USP17L2: variants seen among roughly 807,000 people sequenced by gnomAD.
The protein encoded by USP17L2 is ubiquitin specific peptidase 17 like family member 2, also known as ubiquitin carboxyl-terminal hydrolase 17.
USP17L2 carries 29 observed loss-of-function variants against 39.8 expected under a neutral mutation model. That is an observed-to-expected ratio of 0.73 (90% CI 0.54 to 0.99). The LOEUF (loss-of-function observed/expected upper bound fraction) is 0.99, where lower values mean the gene tolerates loss of function less well. USP17L2 is among the 50% of genes least tolerant of loss of function. The probability of loss-of-function intolerance (pLI) is 0.00; values close to 1 mark genes in which losing one functional copy is unlikely to be tolerated. For synonymous variants in USP17L2, 231 were observed against 252.7 expected (o/e 0.91, Z 0.81); for missense variants, 567 against 647.2 (o/e 0.88, Z 1.35).
At position 12,136,831 on chromosome 8, in the gene USP17L2, C is replaced by T. The variant is rs1206294144; in HGVS notation, c.*337G>A. Among the ~76,000 whole-genome samples, 1 of 140,584 alleles carries T rather than the reference C, an allele frequency of 7.1e-6. No homozygotes were observed. The allele number at this position is 140,584 out of a possible 152,430, so 92.2% of individuals were successfully genotyped here. A position where few individuals can be genotyped will look rare whatever the true frequency, so the allele number is the denominator to read the frequency against. On this transcript the variant is annotated 3_prime_UTR_variant, in exon 1 of 1. Coordinates refer to ENST00000333796, the MANE Select transcript of USP17L2 (RefSeq NM_201402.3). ...AACCGAGTCCCCTGCAATAACCTCACACTCAAACCTACACGTCAGTAGGTC... is the reference window on the plus strand; with the variant it reads ...AACCGAGTCCCCTGCAATAACCTCATACTCAAACCTACACGTCAGTAGGTC...
rs771482220 is a variant in USP17L2 at position 12,138,497 on chromosome 8, G to A, written c.264C>T (p.Thr88=). The part of the protein sequence containing the change: ...VGAGLQNMGN[T]CYENASLQCL... ...ACTGCAGGGAAGCGTTCTCGTAGCAGGTATTTCCCATATTCTGGAGCCCAG... is the reference window on the plus strand; with the variant it reads ...ACTGCAGGGAAGCGTTCTCGTAGCAAGTATTTCCCATATTCTGGAGCCCAG... The change falls in exon 1 of 1, where the codon ACC becomes ACT. Residue 88 remains threonine (T), a synonymous_variant. Transcript: ENST00000333796. The A allele has an allele frequency of 3.9e-6, 6 of 1,540,230 alleles. 1 individual carries two copies. In the Admixed American group the frequency reaches 7.1e-5, roughly 18 times the overall value.
rs1451469271 is a variant in USP17L2, at chr8:12,138,788, T to A, written c.-28A>T. ...CGCCCGCAACAAGGATCACAAGGTT[T>A]TTCTGCTGGGACTGCAGGTTGCAGC... On this transcript the variant is annotated 5_prime_UTR_variant, in exon 1 of 1. Transcript: ENST00000333796. 8 of 988,132 alleles carry A rather than the reference T, an allele frequency of 8.1e-6. 1 individual carries two copies. Among genetic ancestry groups the A allele is most frequent in the Non-Finnish European group, 1.2e-5 (8 of 650,406 alleles). The allele number at this position is 988,132 out of a possible 1,614,324, so 61.2% of individuals were successfully genotyped here. A position where few individuals can be genotyped will look rare whatever the true frequency, so the allele number is the denominator to read the frequency against.
Position 12,138,818 on chromosome 8 carries a change from C to T in USP17L2, c.-58G>A, listed in dbSNP as rs556156968. On this transcript the variant is annotated 5_prime_UTR_variant, in exon 1 of 1. Transcript: ENST00000333796. ...GCTGGGACTGCAGGTTGCAGCAAGA[C>T]GCTATCTCTTCCAAGAGAGTCTTCA... is the stretch of plus-strand genomic sequence containing the variant. The T allele has an allele frequency of 5.0e-5, 45 of 907,992 alleles. 5 individuals are homozygous for T. Among genetic ancestry groups the T allele is most frequent in the South Asian group, 2.8e-4 (19 of 67,576 alleles). 56.2% of individuals were successfully genotyped at this position (907,992 alleles called of 1,614,324 possible).
rs373156591 is a variant in USP17L2, at chr8:12,137,354, C to T, written c.1407G>A (p.Ser469=). 1,390 of 1,531,282 alleles carry T rather than the reference C, an allele frequency of 9.1e-4. 338 individuals carry two copies. In the East Asian group the frequency reaches 0.031, roughly 34 times the overall value. 94.9% of individuals were successfully genotyped at this position (1,531,282 alleles called of 1,614,324 possible). ...GGTTTTTCATCCCACACTTGTATTT[C>T]GATTGATGAATCACAAGTACGTTGG... ...LPPNVLVIHQ[S]KYKCGMKNHH... is the part of the protein sequence containing the mutation. The change falls in exon 1 of 1, where the codon TCG becomes TCA. Residue 469 remains serine, a synonymous_variant. Coordinates refer to ENST00000333796, the MANE Select transcript of USP17L2 (RefSeq NM_201402.3).
rs181023148 is a variant in USP17L2 at position 12,137,031 on chromosome 8, C to T, written c.*137G>A. The stretch of plus-strand genomic sequence containing the variant: ...CCTGTTGTAGAGACAGAAACTTGGA[C>T]TCCTCATTACTTTATGTAGGATTGA... On this transcript the variant is annotated 3_prime_UTR_variant, in exon 1 of 1. Transcript: ENST00000333796. 1,393 of 1,128,040 alleles carry T rather than the reference C, an allele frequency of 1.2e-3. 90 individuals are homozygous for T. Among genetic ancestry groups the T allele is most frequent in the Non-Finnish European group, 1.2e-3 (949 of 791,288 alleles). 69.9% of individuals were successfully genotyped at this position (1,128,040 alleles called of 1,614,324 possible).
chr8:12,138,210 T>G lies in USP17L2; in HGVS notation c.551A>C (p.Asp184Ala). 8.3e-7 allele frequency: 1 copy of G among 1,205,780 alleles called. No homozygotes were observed. 74.7% of individuals were successfully genotyped at this position (1,205,780 alleles called of 1,614,324 possible). The change falls in exon 1 of 1, where the codon GAT (aspartate) becomes GCT (alanine). Residue 184 changes from aspartate (D) to alanine (A), a missense_variant. Physicochemically the swap from Asp to Ala is moderately radical, Grantham distance 126. This residue lies in a region of USP17L2 where 67 missense variants were observed against 122.8 expected (regional missense o/e 0.55). Coordinates refer to ENST00000333796, the MANE Select transcript of USP17L2 (RefSeq NM_201402.3). The stretch of plus-strand genomic sequence containing the variant: ...GAGGGTGGTGTCCTTAGAGTGATGA[T>G]CTACCTGCTTGTGGCCGGGAAGGCA... ...KACLPGHKQV[D>A]HHSKDTTLIH... is the part of the protein sequence containing the mutation.
At position 12,137,364 on chromosome 8, in the gene USP17L2, A is replaced by G. The variant is rs1803276555; in HGVS notation, c.1397T>C (p.Ile466Thr). Residue 466 changes from isoleucine to threonine, a missense_variant, in exon 1 of 1, where the codon ATT (isoleucine) becomes ACT (threonine). Physicochemically the swap from Ile to Thr is moderately conservative, Grantham distance 89. Coordinates refer to ENST00000333796, the MANE Select transcript of USP17L2 (RefSeq NM_201402.3). ...EGTLPPNVLV[I>T]HQSKYKCGMK... ...CCCACACTTGTATTTCGATTGATGAATCACAAGTACGTTGGGAGGCAGGGT... is the reference window on the plus strand; with the variant it reads ...CCCACACTTGTATTTCGATTGATGAGTCACAAGTACGTTGGGAGGCAGGGT... 6.5e-7 allele frequency: 1 copy of G among 1,531,686 alleles called. No individual in the cohort carries two copies. The highest frequency in any genetic ancestry group is 1.8e-5 in the Admixed American group (1 of 55,860). 94.9% of individuals were successfully genotyped at this position (1,531,686 alleles called of 1,614,324 possible).
In USP17L2 at chr8:12,138,509, A is replaced by C. The variant is rs762017750; in HGVS notation, c.252T>G (p.Asn84Lys). 26 of 1,538,650 alleles carry C rather than the reference A, an allele frequency of 1.7e-5. 3 individuals are homozygous for C. Among genetic ancestry groups the C allele is most frequent in the East Asian group, 2.5e-5 (1 of 39,314 alleles). Reference sequence around the variant, plus strand: ...CGTTCTCGTAGCAGGTATTTCCCATATTCTGGAGCCCAGCCCCCACCGCAG... The same window carrying C: ...CGTTCTCGTAGCAGGTATTTCCCATCTTCTGGAGCCCAGCCCCCACCGCAG... ...RPAAVGAGLQ[N>K]MGNTCYENAS... The change falls in exon 1 of 1, where the codon AAT becomes AAG. Residue 84 changes from asparagine (N) to lysine (K), a missense_variant. Around this residue, in one of 6 missense-constraint regions of USP17L2, gnomAD observed 120 missense variants for 111.0 expected, o/e 1.08. Coordinates refer to ENST00000333796, the MANE Select transcript of USP17L2 (RefSeq NM_201402.3).
chr8:12,137,189 C>T lies in USP17L2; in HGVS notation c.1572G>A (p.Arg524=), dbSNP rs749024656. The change falls in exon 1 of 1, where the codon AGG becomes AGA. Residue 524 remains arginine (R), a synonymous_variant. Transcript: ENST00000333796. ...RSKGKNKHSK[R]ALLVCQ Reference sequence around the variant, plus strand: ...GAGATCACTGGCACACAAGCAGAGCCCTCTTGCTGTGTTTGTTCTTCCCTT... The same window carrying T: ...GAGATCACTGGCACACAAGCAGAGCTCTCTTGCTGTGTTTGTTCTTCCCTT... 1.8e-5 allele frequency: 28 copies of T among 1,530,630 alleles called. 5 individuals carry two copies. In the African/African-American group the frequency reaches 2.1e-4, roughly 11 times the overall value. 94.8% of individuals were successfully genotyped at this position (1,530,630 alleles called of 1,614,324 possible).
In USP17L2 at chr8:12,137,263, C is replaced by T. The variant is rs199889083; in HGVS notation, c.1498G>A (p.Val500Met). ...SSTTRTDQES[V>M]NTGTLASLQG... ...AGAGAAGCGAGGGTGCCAGTGTTCACGGACTCCTGATCTGTCCGGGTCGTC... is the reference window on the plus strand; with the variant it reads ...AGAGAAGCGAGGGTGCCAGTGTTCATGGACTCCTGATCTGTCCGGGTCGTC... Residue 500 changes from valine (V) to methionine (M), a missense_variant, in exon 1 of 1, where the codon GTG (valine) becomes ATG (methionine). Val to Met is a conservative substitution (Grantham distance 21). This residue lies in a region of USP17L2 where 304 missense variants were observed against 254.7 expected (regional missense o/e 1.19). Transcript: ENST00000333796. 1.2e-3 allele frequency: 1,883 copies of T among 1,528,980 alleles called. 98 individuals are homozygous for T. The highest frequency in any genetic ancestry group is 8.1e-3 in the African/African-American group (550 of 67,970). The allele number at this position is 1,528,980 out of a possible 1,614,324, so 94.7% of individuals were successfully genotyped here. A position where few individuals can be genotyped will look rare whatever the true frequency, so the allele number is the denominator to read the frequency against.
Position 12,138,515 on chromosome 8 carries a change from G to A in USP17L2, c.246C>T (p.Leu82=), listed in dbSNP as rs200596158. 1.1e-4 allele frequency: 172 copies of A among 1,537,598 alleles called. 23 individuals carry two copies. Among genetic ancestry groups the A allele is most frequent in the Non-Finnish European group, 1.5e-4 (165 of 1,137,104 alleles). ...SRRPAAVGAG[L]QNMGNTCYEN... ...CGTAGCAGGTATTTCCCATATTCTG[G>A]AGCCCAGCCCCCACCGCAGCAGGTC... The change falls in exon 1 of 1, where the codon CTC becomes CTT. Residue 82 remains leucine (L), a synonymous_variant. Coordinates refer to ENST00000333796, the MANE Select transcript of USP17L2 (RefSeq NM_201402.3).
chr8:12,137,008 T>G lies in USP17L2; in HGVS notation c.*160A>C, dbSNP rs1803250269. 7.1e-6 allele frequency among the ~76,000 whole-genome samples: 1 copy of G among 140,900 alleles called. No homozygotes were observed. The highest frequency in any genetic ancestry group is 7.2e-5 in the Admixed American group (1 of 13,920). 92.4% of individuals were successfully genotyped at this position (140,900 alleles called of 152,430 possible). A position where few individuals can be genotyped will look rare whatever the true frequency, so the allele number is the denominator to read the frequency against. On this transcript the variant is annotated 3_prime_UTR_variant, in exon 1 of 1. Coordinates refer to ENST00000333796, the MANE Select transcript of USP17L2 (RefSeq NM_201402.3). ...GCAGCCATCACTATCCAGTTGTCCC[T>G]GTTGTAGAGACAGAAACTTGGACTC...
In USP17L2 at chr8:12,138,454, G is replaced by A. The variant is rs373057283; in HGVS notation, c.307C>T (p.Pro103Ser). 819 of 1,539,688 alleles carry A rather than the reference G, an allele frequency of 5.3e-4. 48 individuals are homozygous for A. The African/African-American group carries it at 0.01, about 19-fold the overall frequency. The change falls in exon 1 of 1, where the codon CCC becomes TCC. Residue 103 changes from proline to serine, a missense_variant. Physicochemically the swap from Pro to Ser is moderately conservative, Grantham distance 74. This residue lies in a region of USP17L2 where 67 missense variants were observed against 122.8 expected (regional missense o/e 0.55). Coordinates refer to ENST00000333796, the MANE Select transcript of USP17L2 (RefSeq NM_201402.3). ...ASLQCLTYTPPLANYMLSREH... is the reference protein window; with the variant it reads ...ASLQCLTYTPSLANYMLSREH... ...CGGGACAGCATGTAGTTGGCAAGGG[G>A]CGGTGTGTATGTCAGGCACTGCAGG...
Position 12,137,138 on chromosome 8 carries a change from C to T in USP17L2, c.*30G>A, listed in dbSNP as rs758593779. 2 of 1,523,672 alleles carry T rather than the reference C, an allele frequency of 1.3e-6. No individual in the cohort carries two copies. The highest frequency in any genetic ancestry group is 1.8e-6 in the Non-Finnish European group (2 of 1,129,022). The allele number at this position is 1,523,672 out of a possible 1,614,324, so 94.4% of individuals were successfully genotyped here. ...GTGCGTGTGTGTGTGTGCGTTCACC[C>T]CTACGTGTGGGTCGGCACTTCCACT... On this transcript the variant is annotated 3_prime_UTR_variant, in exon 1 of 1. Transcript: ENST00000333796.
chr8:12,136,532 G>A lies in USP17L2; in HGVS notation c.*636C>T, dbSNP rs1249169431. Among the ~76,000 whole-genome samples, 13 of 140,502 alleles carry A rather than the reference G, an allele frequency of 9.3e-5. 1 individual carries two copies. The highest frequency in any genetic ancestry group is 1.6e-4 in the African/African-American group (6 of 37,334). 92.2% of individuals were successfully genotyped at this position (140,502 alleles called of 152,430 possible). On this transcript the variant is annotated 3_prime_UTR_variant, in exon 1 of 1. Coordinates refer to ENST00000333796, the MANE Select transcript of USP17L2 (RefSeq NM_201402.3). ...TTTCGACTCATTGGAATTGGACATC[G>A]TGAAACAGGCAAGTCGGTCTGTCTG...
At position 12,138,833 on chromosome 8, in the gene USP17L2, G is replaced by C; in HGVS notation, c.-73C>G. On this transcript the variant is annotated 5_prime_UTR_variant, in exon 1 of 1. Transcript: ENST00000333796. ...TGCAGCAAGACGCTATCTCTTCCAA[G>C]AGAGTCTTCAAATGACGAGCTCTCT... 1.0e-6 allele frequency: 1 copy of C among 980,556 alleles called. No individual in the cohort carries two copies. The highest frequency in any genetic ancestry group is 1.5e-6 in the Non-Finnish European group (1 of 647,952). 60.7% of individuals were successfully genotyped at this position (980,556 alleles called of 1,614,324 possible).
Position 12,137,257 on chromosome 8 carries a change from T to C in USP17L2, c.1504A>G (p.Thr502Ala). ...CCTTGCAGAGAAGCGAGGGTGCCAG[T>C]GTTCACGGACTCCTGATCTGTCCGG... ...TTRTDQESVN[T>A]GTLASLQGRT... The change falls in exon 1 of 1, where the codon ACT becomes GCT. Residue 502 changes from threonine (T) to alanine (A), a missense_variant. Thr to Ala is a moderately conservative substitution (Grantham distance 58). Around this residue, in one of 6 missense-constraint regions of USP17L2, gnomAD observed 304 missense variants for 254.7 expected, o/e 1.19. Coordinates refer to ENST00000333796, the MANE Select transcript of USP17L2 (RefSeq NM_201402.3). 1 of 1,530,576 alleles carries C rather than the reference T, an allele frequency of 6.5e-7. No individual in the cohort carries two copies. The highest frequency in any genetic ancestry group is 8.8e-7 in the Non-Finnish European group (1 of 1,134,984). 94.8% of individuals were successfully genotyped at this position (1,530,576 alleles called of 1,614,324 possible).
In USP17L2 at chr8:12,137,026, T is replaced by C. The variant is rs1803251157; in HGVS notation, c.*142A>G. 1 of 1,094,782 alleles carries C rather than the reference T, an allele frequency of 9.1e-7. No homozygotes were observed. The highest frequency in any genetic ancestry group is 2.1e-5 in the Admixed American group (1 of 48,008). 67.8% of individuals were successfully genotyped at this position (1,094,782 alleles called of 1,614,324 possible). A position where few individuals can be genotyped will look rare whatever the true frequency, so the allele number is the denominator to read the frequency against. On this transcript the variant is annotated 3_prime_UTR_variant, in exon 1 of 1. Transcript: ENST00000333796. ...TTGTCCCTGTTGTAGAGACAGAAACTTGGACTCCTCATTACTTTATGTAGG... is the reference window on the plus strand; with the variant it reads ...TTGTCCCTGTTGTAGAGACAGAAACCTGGACTCCTCATTACTTTATGTAGG...
In USP17L2 at chr8:12,138,598, A is replaced by G; in HGVS notation, c.163T>C (p.Leu55=). Reference sequence around the variant, plus strand: ...GCAAGCTGTCTTGCCACAGGAGCCAAATCATCACAGAGGTCGACACGGGCC... The same window carrying G: ...GCAAGCTGTCTTGCCACAGGAGCCAGATCATCACAGAGGTCGACACGGGCC... ...SEARVDLCDD[L]APVARQLAPR... is the part of the protein sequence containing the mutation. Residue 55 remains leucine, a synonymous_variant, in exon 1 of 1, where the codon TTG becomes CTG. Coordinates refer to ENST00000333796, the MANE Select transcript of USP17L2 (RefSeq NM_201402.3). 1.3e-6 allele frequency: 2 copies of G among 1,531,000 alleles called. No homozygotes were observed. Among genetic ancestry groups the G allele is most frequent in the Non-Finnish European group, 8.8e-7 (1 of 1,135,156 alleles). The allele number at this position is 1,531,000 out of a possible 1,614,324, so 94.8% of individuals were successfully genotyped here.
Sources: allele counts gnomAD v4.1 joint callset (sites outside exome capture counted in the v4.1 genomes callset), GRCh38; gene constraint gnomAD v4.1.1; regional missense constraint gnomAD v4.1.1; transcripts MANE v1.5; gene names NCBI Gene and HGNC (gene_info 2026-07-23, HGNC 2026-07-21).